The following GBA2 variants were observed in gnomAD, a reference collection of about 807,000 sequenced individuals.
The protein encoded by GBA2 is glucosylceramidase beta 2.
Under a neutral mutation model 112.9 loss-of-function variants are expected in GBA2, and 79 were observed. The ratio of observed to expected loss-of-function variants is 0.70; its 90% CI spans 0.58 to 0.84. The LOEUF is 0.84. GBA2 is among the 40% of genes least tolerant of loss of function. GBA2 has a pLI of 0.00. For synonymous variants in GBA2, 403 were observed against 434.3 expected (o/e 0.93, Z 0.90); for missense variants, 1,043 against 1,190.0 (o/e 0.88, Z 1.82).
intron 12 of GBA2, 25 bp from the exon 13 acceptor site, chr9:35,738,657 G>C (rs1826412456): frequency 1.3e-6 from 2 of 1,599,270 alleles, no homozygotes; most frequent in Non-Finnish European, 1.7e-6. Context: ...AGATGTTGAA[G>C]ACCTAGGTAC....
At chr9:35,747,923 C>A (rs954663341) in intron 1 of GBA2, among the ~76,000 whole-genome samples, 1 of 152,150 alleles carries the variant, frequency 6.6e-6, no homozygotes. Context: ...CAGAGAATGC[C>A]CCAGCTGCTT....
In GBA2 at chr9:35,740,902, C is replaced by G. The variant is rs1472373046; in HGVS notation, c.949G>C (p.Glu317Gln). ...NEPFCLERSGETVRGLLLHHP... is the reference protein window; with the variant it reads ...NEPFCLERSGQTVRGLLLHHP... ...TGCAGGAGCAGCCCCCGGACAGTTT[C>G]CCCGCTACGCTCCAGACAGAAGGGC... is the stretch of plus-strand genomic sequence containing the variant. Residue 317 changes from glutamate (E) to glutamine (Q), a missense_variant, in exon 5 of 17, where the codon GAA becomes CAA. Transcript: ENST00000378103. The surrounding 1 kb of genome is among the most constrained non-coding windows in gnomAD (Gnocchi z 4.7). The G allele has an allele frequency of 6.2e-7, 1 of 1,613,852 alleles. No individual in the cohort carries two copies. Among genetic ancestry groups the G allele is most frequent in the South Asian group, 1.1e-5 (1 of 91,074 alleles).
In GBA2 at chr9:35,737,461, T is replaced by C. The variant is rs570517033; in HGVS notation, c.2506-14A>G. 33 of 1,611,976 alleles carry C rather than the reference T, an allele frequency of 2.0e-5. No homozygotes were observed. In the Admixed American group the frequency reaches 3.7e-4, roughly 18 times the overall value. On this transcript the variant is annotated splice_polypyrimidine_tract_variant and intron_variant, in intron 16 of 16. Coordinates refer to ENST00000378103, the MANE Select transcript of GBA2 (RefSeq NM_020944.3). The surrounding 1 kb of genome is among the most constrained non-coding windows in gnomAD (Gnocchi z 4.1). Reference sequence around the variant, plus strand: ...CCAAGTCAGGCCCTGTTGGGAGAGATGACAGTCATACATACTAACTTGGCA... The same window carrying C: ...CCAAGTCAGGCCCTGTTGGGAGAGACGACAGTCATACATACTAACTTGGCA...
chr9:35,739,788 G>A lies in GBA2; in HGVS notation c.1422C>T (p.Ala474=). 3 of 1,613,904 alleles carry A rather than the reference G, an allele frequency of 1.9e-6. No individual in the cohort carries two copies. The highest frequency in any genetic ancestry group is 1.7e-6 in the Non-Finnish European group (2 of 1,179,798). Residue 474 remains alanine (A), a synonymous_variant, in exon 9 of 17, where the codon GCC becomes GCT. Transcript: ENST00000378103. Reference sequence around the variant, plus strand: ...CATTGAACAGCGCAGATTTGTACCAGGCAGGCAGTGATCTGGGAAGCGAGG... The same window carrying A: ...CATTGAACAGCGCAGATTTGTACCAAGCAGGCAGTGATCTGGGAAGCGAGG... ...SPVLDDRSLP[A]WYKSALFNEL... is the part of the protein sequence containing the mutation.
rs1810886488 is a variant in GBA2, at chr9:35,746,670, C to T, written c.359+1676G>A. 6.6e-6 allele frequency among the ~76,000 whole-genome samples: 1 copy of T among 152,084 alleles called. No homozygotes were observed. The highest frequency in any genetic ancestry group is 1.5e-5 in the Non-Finnish European group (1 of 67,996). ...AGAGGGAAGACAAAGGATGGGATGA[C>T]AGGAAGGCAGAGAATCCTCTCTGCC... On this transcript the variant is annotated intron_variant, in intron 1 of 16. Transcript: ENST00000378103. This position sits in a 1 kb window ranked among gnomAD's most constrained non-coding sequence, Gnocchi z 5.2.
chr9:35,738,057 G>C lies in GBA2; in HGVS notation c.2293C>G (p.Leu765Val), dbSNP rs760579817. The C allele has an allele frequency of 1.9e-6, 3 of 1,610,960 alleles. No homozygotes were observed. The African/African-American group carries it at 4.0e-5, about 22-fold the overall frequency. ...CTCACCTCAGTGTCTCCTTCTCCTA[G>C]GCCACAGGCCTTCAGGAACCACTGT... ...AGQWFLKACG[L>V]GEGDTEVFPT... The change falls in exon 15 of 17, where the codon CTA (leucine) becomes GTA (valine). Residue 765 changes from leucine to valine, a missense_variant. Leu to Val is a conservative substitution (Grantham distance 32, BLOSUM62 1). Coordinates refer to ENST00000378103, the MANE Select transcript of GBA2 (RefSeq NM_020944.3).
rs78197987 is a variant in GBA2, at chr9:35,740,049, G to T, written c.1358C>A (p.Ala453Glu). 1,358 of 1,614,066 alleles carry T rather than the reference G, an allele frequency of 8.4e-4. 24 individuals are homozygous for T. The East Asian group carries it at 0.027, about 32-fold the overall frequency. The change falls in exon 8 of 17, where the codon GCA becomes GAA. Residue 453 changes from alanine to glutamate, a missense_variant. Coordinates refer to ENST00000378103, the MANE Select transcript of GBA2 (RefSeq NM_020944.3). The surrounding 1 kb of genome is among the most constrained non-coding windows in gnomAD (Gnocchi z 4.7). ...ALSHYALCRY[A>E]EWEERISAWQ... is the part of the protein sequence containing the mutation. Reference sequence around the variant, plus strand: ...AGCTGAGATCCTCTCTTCCCACTCTGCGTATCGGCACAGTGCATAGTGGCT... The same window carrying T: ...AGCTGAGATCCTCTCTTCCCACTCTTCGTATCGGCACAGTGCATAGTGGCT...
rs1410535027 is a variant in GBA2, at chr9:35,744,676, A to C, written c.390T>G (p.His130Gln). The change falls in exon 2 of 17, where the codon CAT becomes CAG. Residue 130 changes from histidine to glutamine, a missense_variant. Transcript: ENST00000378103. Reference protein sequence around the residue: ...RYLQWWYRKTHVEKKTPFIDM... With the variant: ...RYLQWWYRKTQVEKKTPFIDM... Reference sequence around the variant, plus strand: ...CGATGAAAGGTGTCTTCTTTTCCACATGGGTCTTCCGGTACCACCACTGCA... The same window carrying C: ...CGATGAAAGGTGTCTTCTTTTCCACCTGGGTCTTCCGGTACCACCACTGCA... The C allele has an allele frequency of 1.2e-6, 2 of 1,609,238 alleles. No homozygotes were observed. Among genetic ancestry groups the C allele is most frequent in the Middle Eastern group, 1.7e-4 (1 of 6,046 alleles).
intron 3 of GBA2, chr9:35,743,178 AT>A (rs1429322491): frequency 6.5e-6 from 1 of 153,734 alleles, no homozygotes; most frequent in East Asian, 1.9e-4. Context: ...GTATAAAATA[AT>A]TTTTCATTTT....
In GBA2 at chr9:35,746,867, G is replaced by C. The variant is rs1033433623; in HGVS notation, c.359+1479C>G. On this transcript the variant is annotated intron_variant, in intron 1 of 16. Transcript: ENST00000378103. This position sits in a 1 kb window ranked among gnomAD's most constrained non-coding sequence, Gnocchi z 5.2. ...TCAATAAATATTTATTGAATGAGTG[G>C]ACTCTGGCTGGAAGGGAGAACAATT... 6.6e-6 allele frequency among the ~76,000 whole-genome samples: 1 copy of C among 152,144 alleles called. No individual in the cohort carries two copies. Among genetic ancestry groups the C allele is most frequent in the Non-Finnish European group, 1.5e-5 (1 of 68,024 alleles).
Position 35,740,241 on chromosome 9 carries a change from G to T in GBA2, c.1251C>A (p.Ile417=). Residue 417 remains isoleucine (I), a synonymous_variant, in exon 7 of 17, where the codon ATC becomes ATA. Coordinates refer to ENST00000378103, the MANE Select transcript of GBA2 (RefSeq NM_020944.3). This position sits in a 1 kb window ranked among gnomAD's most constrained non-coding sequence, Gnocchi z 4.7. ...GGACTTGGCCTTTAGCTCCAAACATGATCCTGGGCATGTCCCAAGCCAGTG... is the reference window on the plus strand; with the variant it reads ...GGACTTGGCCTTTAGCTCCAAACATTATCCTGGGCATGTCCCAAGCCAGTG... The part of the protein sequence containing the change: ...EFSLAWDMPR[I]MFGAKGQVHY... 1 of 1,614,116 alleles carries T rather than the reference G, an allele frequency of 6.2e-7. No homozygotes were observed. Among genetic ancestry groups the T allele is most frequent in the East Asian group, 2.2e-5 (1 of 44,876 alleles).
intron 1 of GBA2, 138 bp from the exon 2 acceptor site, chr9:35,744,844 C>G (rs1826895313): frequency 1.6e-6 from 1 of 643,102 alleles, no homozygotes; most frequent in African/African-American, 1.8e-5. Flanking sequence ...CTCTTGATTT[C>G]TATACAGTTC....
At position 35,740,226 on chromosome 9, in the gene GBA2, T is replaced by G. The variant is rs778276589; in HGVS notation, c.1266A>C (p.Lys422Asn). ...WDMPRIMFGA[K>N]GQVHYRRYTR... ...CCCCTCACCTGTAGTGGACTTGGCC[T>G]TTAGCTCCAAACATGATCCTGGGCA... is the stretch of plus-strand genomic sequence containing the variant. Residue 422 changes from lysine to asparagine, a missense_variant, in exon 7 of 17, where the codon AAA becomes AAC. Physicochemically the swap from Lys to Asn is moderately conservative, Grantham distance 94 (BLOSUM62 0). Transcript: ENST00000378103. The surrounding 1 kb of genome is among the most constrained non-coding windows in gnomAD (Gnocchi z 4.7). 4 of 1,613,980 alleles carry G rather than the reference T, an allele frequency of 2.5e-6. No individual in the cohort carries two copies. In the Admixed American group the frequency reaches 6.7e-5, roughly 27 times the overall value.
At position 35,740,353 on chromosome 9, in the gene GBA2, G is replaced by C. The variant is rs1261304804; in HGVS notation, c.1139C>G (p.Thr380Ser). ...AATGCCTACTCCTTTCTGCGTAGGG[G>C]TGCTTTGGCCTGAGAGAAACACAAG... is the stretch of plus-strand genomic sequence containing the variant. ...GQLDSPTGQS[T>S]PTQKGVGIAG... The change falls in exon 7 of 17, where the codon ACC (threonine) becomes AGC (serine). Residue 380 changes from threonine (T) to serine (S), a missense_variant. Thr to Ser is a moderately conservative substitution (Grantham distance 58). Transcript: ENST00000378103. This position sits in a 1 kb window ranked among gnomAD's most constrained non-coding sequence, Gnocchi z 4.7. 6.2e-7 allele frequency: 1 copy of C among 1,613,008 alleles called. No individual in the cohort carries two copies. Among genetic ancestry groups the C allele is most frequent in the Non-Finnish European group, 8.5e-7 (1 of 1,179,914 alleles).
rs747412475 is a variant in GBA2 at position 35,741,687 on chromosome 9, C to T, written c.771G>A (p.Leu257=). ...GGGGCCTCACCTGGTAGTCATGGGG[C>T]AAGATGGGTGTGATCTGACGGCAGG... ...TLTCRQITPI[L]PHDYQDSSLP... The change falls in exon 4 of 17, where the codon TTG becomes TTA. Residue 257 remains leucine (L), a synonymous_variant. Transcript: ENST00000378103. This position sits in a 1 kb window ranked among gnomAD's most constrained non-coding sequence, Gnocchi z 4.6. 2 of 1,608,798 alleles carry T rather than the reference C, an allele frequency of 1.2e-6. No homozygotes were observed. Among genetic ancestry groups the T allele is most frequent in the South Asian group, 1.1e-5 (1 of 90,994 alleles).
At position 35,748,389 on chromosome 9, in the gene GBA2, C is replaced by CAACAT. The variant is rs1827103675; in HGVS notation, c.315_316insATGTT (p.Val106MetfsTer5). ...TGCTTTATCATGTTGCTTAGGGAGACGTTGTTAGCTTGAAAGGGTTTCCTC... is the reference window on the plus strand; with the variant it reads ...TGCTTTATCATGTTGCTTAGGGAGACAACATGTTGTTAGCTTGAAAGGGTTTCCTC... On this transcript the variant is annotated frameshift_variant, in exon 1 of 17. Coordinates refer to ENST00000378103, the MANE Select transcript of GBA2 (RefSeq NM_020944.3). LOFTEE classifies it high-confidence loss of function. 6.2e-7 allele frequency: 1 copy of CAACAT among 1,613,852 alleles called. No individual in the cohort carries two copies. The highest frequency in any genetic ancestry group is 8.5e-7 in the Non-Finnish European group (1 of 1,179,826).
chr9:35,742,173 T>A, intron 3 of GBA2: 1 of 502,968 alleles, frequency 2.0e-6, no homozygotes, highest in Non-Finnish European at 3.6e-6. Flanking sequence ...GGTAGCAGAG[T>A]GATCTTTCTC....
intron 3 of GBA2, among the ~76,000 whole-genome samples, 164 bp downstream of exon 3, chr9:35,744,133 C>T (rs541529538): frequency 3.3e-5 from 5 of 152,224 alleles, no homozygotes; most frequent in African/African-American, 9.6e-5. Flanking sequence ...CTTATTCCTA[C>T]GGTATATCCT....
At position 35,737,051 on chromosome 9, in the gene GBA2, GA is replaced by G; in HGVS notation, c.*117del. ...ATTTACTGGCACAATTGGGTGGAGA[GA>G]AGGGAAGGGGTATGATTGTCCTGAT... is the stretch of plus-strand genomic sequence containing the variant. On this transcript the variant is annotated 3_prime_UTR_variant, in exon 17 of 17. Transcript: ENST00000378103. The surrounding 1 kb of genome is among the most constrained non-coding windows in gnomAD (Gnocchi z 4.1). 6.8e-7 allele frequency: 1 copy of G among 1,469,286 alleles called. No homozygotes were observed. Among genetic ancestry groups the G allele is most frequent in the Non-Finnish European group, 9.0e-7 (1 of 1,105,196 alleles). The allele number at this position is 1,469,286 out of a possible 1,614,324, so 91.0% of individuals were successfully genotyped here.
Sources: allele counts gnomAD v4.1 joint callset (sites outside exome capture counted in the v4.1 genomes callset), GRCh38; gene constraint gnomAD v4.1.1; non-coding constraint Gnocchi (gnomAD v3.1); transcripts MANE v1.5; gene names NCBI Gene and HGNC (gene_info 2026-07-23, HGNC 2026-07-21).